FSIP2: variants seen among roughly 807,000 people sequenced by gnomAD.
FSIP2 encodes the protein fibrous sheath-interacting protein 2.
In FSIP2, 367 loss-of-function variants were observed where a neutral mutation model predicts 510.5. The observed-to-expected ratio is 0.72, with a 90% CI of 0.66 to 0.78. The LOEUF (loss-of-function observed/expected upper bound fraction) is 0.78. FSIP2 is among the 30% of genes least tolerant of loss of function. The pLI, the probability that FSIP2 is intolerant of heterozygous loss-of-function variation, is 0.00. For missense variants in FSIP2, 7,594 were observed against 7,901.7 expected, an observed-to-expected ratio of 0.96 and a Z score of 1.48; for synonymous variants, 2,601 against 2,732.2, an observed-to-expected ratio of 0.95 and a Z score of 1.50.
At chr2:185,759,929 A>C (rs1385450420) in intron 9 of FSIP2, among the ~76,000 whole-genome samples, 1 of 150,382 alleles carries the variant, frequency 6.6e-6, no homozygotes, top group Non-Finnish European at 1.5e-5. Context: ...GGAAAGGTTT[A>C]AACCTCATAT....
chr2:185,749,138 AT>A (rs1014467611), intron 7 of FSIP2, among the ~76,000 whole-genome samples: 1 of 151,934 alleles, frequency 6.6e-6, no homozygotes, highest in Non-Finnish European at 1.5e-5. Flanking sequence ...AGCCCTTTGT[AT>A]TTCCATATAA....
rs1432852091 is a variant in FSIP2 at position 185,743,139 on chromosome 2, C to T, written c.232C>T (p.Arg78Ter). The part of the protein sequence containing the change: ...YTTNFGEKLF[R>*]PSYGFNLTDP... ...TTTGAATCTGTGTTTGCAGCTTTTT[C>T]GACCTTCTTATGGTTTTAACCTGAC... The change falls in exon 3 of 23, where the codon CGA becomes TGA. Residue 78 changes from arginine to a stop codon, truncating the protein, a stop_gained. Coordinates refer to ENST00000424728, the MANE Select transcript of FSIP2 (RefSeq NM_173651.4). LOFTEE classifies it high-confidence loss of function. 8 of 1,464,886 alleles carry T rather than the reference C, an allele frequency of 5.5e-6. No homozygotes were observed. The highest frequency in any genetic ancestry group is 4.2e-5 in the South Asian group (3 of 72,016). 90.7% of individuals were successfully genotyped at this position (1,464,886 alleles called of 1,614,324 possible).
At chr2:185,814,592 C>T (rs1693797367) in intron 18 of FSIP2, among the ~76,000 whole-genome samples, 1 of 152,014 alleles carries the variant, frequency 6.6e-6, no homozygotes, top group Non-Finnish European at 1.5e-5. Flanking sequence ...ACTCTGCTGT[C>T]AGCATGGTAA....
At position 185,797,256 on chromosome 2, in the gene FSIP2, CA is replaced by C; in HGVS notation, c.10124del (p.Lys3375ArgfsTer39). 1 of 1,534,036 alleles carries C rather than the reference CA, an allele frequency of 6.5e-7. No individual in the cohort carries two copies. The highest frequency in any genetic ancestry group is 8.7e-7 in the Non-Finnish European group (1 of 1,145,982). On this transcript the variant is annotated frameshift_variant, in exon 16 of 23. Transcript: ENST00000424728. LOFTEE classifies it high-confidence loss of function. ...CTCTTTATCTGAAGTATCTGGAGGGCAAAAGGATAACGAAAAAAGTTTGCTT... is the reference window on the plus strand; with the variant it reads ...CTCTTTATCTGAAGTATCTGGAGGGCAAAGGATAACGAAAAAAGTTTGCTT... ...QSSLSEVSGG[Q>X]KDNEKSLLRM...
At position 185,789,586 on chromosome 2, in the gene FSIP2, G is replaced by A; in HGVS notation, c.2450G>A (p.Cys817Tyr). The A allele has an allele frequency of 6.5e-7, 1 of 1,534,830 alleles. No individual in the cohort carries two copies. Among genetic ancestry groups the A allele is most frequent in the Non-Finnish European group, 8.7e-7 (1 of 1,145,880 alleles). ...NSMPHTLDPM[C>Y]DIAEDMVHAI... ...ATGCCTCATACTTTGGACCCAATGT[G>A]TGATATTGCAGAGGACATGGTGCAT... Residue 817 changes from cysteine to tyrosine, a missense_variant, in exon 16 of 23, where the codon TGT (cysteine) becomes TAT (tyrosine). Transcript: ENST00000424728.
intron 13 of FSIP2, among the ~76,000 whole-genome samples, chr2:185,768,299 A>G (rs1692537780): frequency 6.6e-6 from 1 of 152,084 alleles, no homozygotes; most frequent in Non-Finnish European, 1.5e-5. Context: ...TTTTGCTTTT[A>G]TTGCCTGTGC....
intron 13 of FSIP2, among the ~76,000 whole-genome samples, chr2:185,769,635 A>G (rs1692566994): frequency 6.6e-6 from 1 of 152,092 alleles, no homozygotes; most frequent in African/African-American, 2.4e-5. Context: ...AGTAGATCCC[A>G]TTTGTCAATT....
At chr2:185,820,602 T>C (rs1423407153) in intron 19 of FSIP2, among the ~76,000 whole-genome samples, 1 of 151,670 alleles carries the variant, frequency 6.6e-6, no homozygotes, top group Non-Finnish European at 1.5e-5. Flanking sequence ...TGAGTCTTAA[T>C]AAATTTTAAA....
chr2:185,804,394 G>C lies in FSIP2; in HGVS notation c.15088G>C (p.Gly5030Arg), dbSNP rs1449895888. ...MVQKIVNSVY[G>R]KVLDQYKSLI... ...TCAAAAAATAGTCAACTCAGTATAT[G>C]GAAAAGTATTAGATCAATATAAATC... The change falls in exon 17 of 23, where the codon GGA becomes CGA. Residue 5030 changes from glycine (G) to arginine (R), a missense_variant. Physicochemically the swap from Gly to Arg is moderately radical, Grantham distance 125 (BLOSUM62 -2). Coordinates refer to ENST00000424728, the MANE Select transcript of FSIP2 (RefSeq NM_173651.4). 1.3e-6 allele frequency: 2 copies of C among 1,504,344 alleles called. No individual in the cohort carries two copies. The highest frequency in any genetic ancestry group is 1.8e-6 in the Non-Finnish European group (2 of 1,130,944). 93.2% of individuals were successfully genotyped at this position (1,504,344 alleles called of 1,614,324 possible). A position where few individuals can be genotyped will look rare whatever the true frequency, so the allele number is the denominator to read the frequency against.
At chr2:185,738,578 C>T (rs1411795738), upstream of FSIP2, 1 of 1,532,170 alleles carries the variant, frequency 6.5e-7, no homozygotes, top group African/African-American at 1.4e-5. Flanking sequence ...ACCAACAAAG[C>T]TTATACGTTT....
In FSIP2 at chr2:185,789,751, A is replaced by T. The variant is rs914648731; in HGVS notation, c.2615A>T (p.Lys872Ile). The T allele has an allele frequency of 6.5e-7, 1 of 1,534,374 alleles. No homozygotes were observed. The highest frequency in any genetic ancestry group is 1.4e-5 in the African/African-American group (1 of 72,940). Residue 872 changes from lysine to isoleucine, a missense_variant, in exon 16 of 23, where the codon AAA becomes ATA. By Grantham distance (102) the Lys-to-Ile change is moderately radical. Transcript: ENST00000424728. ...CMFLQRAGKNKSSLESDEASL... is the reference protein window; with the variant it reads ...CMFLQRAGKNISSLESDEASL... ...TTCCTTCAAAGAGCTGGCAAAAATA[A>T]ATCTAGTCTTGAATCTGATGAAGCT...
chr2:185,805,058 C>G lies in FSIP2; in HGVS notation c.15752C>G (p.Ser5251Cys). The G allele has an allele frequency of 6.2e-7, 1 of 1,600,738 alleles. No individual in the cohort carries two copies. ...GAAGAATCATCTTTCAGTGACTTATCTGATTATGACCATGTCTCTGAACTT... is the reference window on the plus strand; with the variant it reads ...GAAGAATCATCTTTCAGTGACTTATGTGATTATGACCATGTCTCTGAACTT... ...HGEESSFSDLSDYDHVSELAK... is the reference protein window; with the variant it reads ...HGEESSFSDLCDYDHVSELAK... Residue 5251 changes from serine to cysteine, a missense_variant, in exon 17 of 23, where the codon TCT becomes TGT. Transcript: ENST00000424728.
Position 185,792,358 on chromosome 2 carries a change from G to T in FSIP2, c.5222G>T (p.Arg1741Ile). Residue 1741 changes from arginine to isoleucine, a missense_variant, in exon 16 of 23, where the codon AGA becomes ATA. By Grantham distance (97) the Arg-to-Ile change is moderately conservative. Coordinates refer to ENST00000424728, the MANE Select transcript of FSIP2 (RefSeq NM_173651.4). ...ACAGCGAAAAAAATTATTGATGAGA[G>T]ATCCCCACAAAGAGAAGAAGTGAAA... is the stretch of plus-strand genomic sequence containing the variant. Reference protein sequence around the residue: ...AYTAKKIIDERSPQREEVKTR... With the variant: ...AYTAKKIIDEISPQREEVKTR... 6.5e-7 allele frequency: 1 copy of T among 1,529,934 alleles called. No individual in the cohort carries two copies. The highest frequency in any genetic ancestry group is 2.4e-5 in the East Asian group (1 of 40,818). The allele number at this position is 1,529,934 out of a possible 1,614,324, so 94.8% of individuals were successfully genotyped here. A position where few individuals can be genotyped will look rare whatever the true frequency, so the allele number is the denominator to read the frequency against.
In FSIP2 at chr2:185,807,862, T is replaced by C; in HGVS notation, c.18556T>C (p.Phe6186Leu). ...CATAATAGAAGAAATTGCTGTGAAATTTTTATCAAAGCTTTTATCTATATT... is the reference window on the plus strand; with the variant it reads ...CATAATAGAAGAAATTGCTGTGAAACTTTTATCAAAGCTTTTATCTATATT... Reference protein sequence around the residue: ...YNIIEEIAVKFLSKLLSIFPK... With the variant: ...YNIIEEIAVKLLSKLLSIFPK... Residue 6186 changes from phenylalanine to leucine, a missense_variant, in exon 17 of 23, where the codon TTT becomes CTT. Phe to Leu is a conservative substitution (Grantham distance 22). Coordinates refer to ENST00000424728, the MANE Select transcript of FSIP2 (RefSeq NM_173651.4). The C allele has an allele frequency of 6.2e-7, 1 of 1,609,670 alleles. No individual in the cohort carries two copies. The highest frequency in any genetic ancestry group is 8.5e-7 in the Non-Finnish European group (1 of 1,178,324).
chr2:185,771,594 G>A (rs973018969), intron 13 of FSIP2, among the ~76,000 whole-genome samples: 2 of 152,170 alleles, frequency 1.3e-5, no homozygotes, highest in Non-Finnish European at 2.9e-5. Flanking sequence ...CAGTTTCCTG[G>A]GTCTGGCCCC....
chr2:185,822,015 A>C (rs1245266936), intron 19 of FSIP2, among the ~76,000 whole-genome samples: 8 of 151,998 alleles, frequency 5.3e-5, no homozygotes, highest in Non-Finnish European at 1.2e-4. Context: ...ACGAAAGTTA[A>C]ATAGTTTACA....
rs751710570 is a variant in FSIP2, at chr2:185,833,175, T to G, written c.20673T>G (p.Cys6891Trp). The change falls in exon 23 of 23, where the codon TGT becomes TGG. Residue 6891 changes from cysteine to tryptophan, a missense_variant. Transcript: ENST00000424728. ...SSTLSKVFSQ[C>W]NTNISRSSSP... Reference sequence around the variant, plus strand: ...CTTTGTCAAAGGTGTTTTCTCAATGTAACACCAATATTTCCAGATCTTCCT... The same window carrying G: ...CTTTGTCAAAGGTGTTTTCTCAATGGAACACCAATATTTCCAGATCTTCCT... The G allele has an allele frequency of 4.3e-6, 7 of 1,610,018 alleles. No homozygotes were observed. In the South Asian group the frequency reaches 7.7e-5, roughly 18 times the overall value.
intron 2 of FSIP2, among the ~76,000 whole-genome samples, chr2:185,742,071 C>G (rs1385116841): frequency 6.6e-6 from 1 of 152,160 alleles, no homozygotes; most frequent in Non-Finnish European, 1.5e-5. Flanking sequence ...TCCCATATTA[C>G]CTACATACTC....
intron 13 of FSIP2, among the ~76,000 whole-genome samples, chr2:185,774,222 G>T (rs1296532387): frequency 6.6e-6 from 1 of 152,064 alleles, no homozygotes; most frequent in African/African-American, 2.4e-5. Flanking sequence ...AAACTCAACA[G>T]GATGCCATTT....
Sources: allele counts gnomAD v4.1 joint callset (sites outside exome capture counted in the v4.1 genomes callset), GRCh38; gene constraint gnomAD v4.1.1; transcripts MANE v1.5; gene names NCBI Gene and HGNC (gene_info 2026-07-23, HGNC 2026-07-21).